DPYSL4: variants seen among roughly 807,000 people sequenced by gnomAD.
The protein encoded by DPYSL4 is dihydropyrimidinase-related protein 4.
DPYSL4 carries 43 observed loss-of-function variants against 63.4 expected under a neutral mutation model. That is an observed-to-expected ratio of 0.68 (90% confidence interval 0.53 to 0.88). The LOEUF (loss-of-function observed/expected upper bound fraction) is 0.88, where lower values mean the gene tolerates loss of function less well. Ranked by LOEUF, DPYSL4 falls within the 40% of genes least tolerant of loss-of-function variation. The probability of loss-of-function intolerance (pLI) is 0.00; values close to 1 mark genes in which losing one functional copy is unlikely to be tolerated. For synonymous variants in DPYSL4, 353 were observed against 331.7 expected (o/e 1.06, Z -0.70); for missense variants, 733 against 819.5 (o/e 0.89, Z 1.29).
At chr10:132,194,001 G>A (rs1197968698) in intron 3 of DPYSL4, among the ~76,000 whole-genome samples, 3 of 152,250 alleles carry the variant, frequency 2.0e-5, no homozygotes, top group East Asian at 1.9e-4. Context: ...CTGCACAGTC[G>A]AGACCACCTG....
intron 6 of DPYSL4, 89 bp from the exon 7 acceptor site, chr10:132,198,326 G>GGTTCC: frequency 7.4e-7 from 1 of 1,343,228 alleles, no homozygotes; most frequent in Non-Finnish European, 1.0e-6. Flanking sequence ...GGACCACTTG[G>GGTTCC]GGAATGGGGC....
intron 6 of DPYSL4, among the ~76,000 whole-genome samples, chr10:132,197,521 G>A (rs528416788): frequency 4.6e-5 from 7 of 152,298 alleles, no homozygotes; most frequent in Non-Finnish European, 5.9e-5. Flanking sequence ...GCCTGAGCCC[G>A]CGTGCAGTGG....
At chr10:132,204,470 G>T (rs116661232) in intron 13 of DPYSL4, among the ~76,000 whole-genome samples, 3,314 of 152,264 alleles carry the variant, frequency 0.022, 104 homozygotes, top group South Asian at 0.1. Context: ...TGGGGACTCA[G>T]GCCTGGGGGC....
At chr10:132,194,669 C>T (rs1385790598) in intron 3 of DPYSL4, among the ~76,000 whole-genome samples, 176 bp from the exon 4 acceptor site, 2 of 152,296 alleles carry the variant, frequency 1.3e-5, no homozygotes, top group East Asian at 1.9e-4. Context: ...TTGAACAAAG[C>T]AATAGAACGG....
chr10:132,203,089 C>G (rs558801591), intron 12 of DPYSL4, among the ~76,000 whole-genome samples: 2 of 152,342 alleles, frequency 1.3e-5, no homozygotes, highest in South Asian at 4.1e-4. Flanking sequence ...TGGGTCCCAC[C>G]CAAGTCATCC....
In DPYSL4 at chr10:132,200,947, TGAG is replaced by T; in HGVS notation, c.1078_1080del (p.Glu360del). The T allele has an allele frequency of 6.2e-7, 1 of 1,613,264 alleles. No individual in the cohort carries two copies. Among genetic ancestry groups the T allele is most frequent in the Non-Finnish European group, 8.5e-7 (1 of 1,179,960 alleles). ...TGATCCCCGAGGGCACCAACGGCATTGAGGAGCGCATGTCGATGGTCTGGGAGA... is the reference window on the plus strand; with the variant it reads ...TGATCCCCGAGGGCACCAACGGCATTGAGCGCATGTCGATGGTCTGGGAGA... On this transcript the variant is annotated inframe_deletion, in exon 10 of 14. Transcript: ENST00000338492.
Position 132,204,276 on chromosome 10 carries a change from C to A in DPYSL4, c.1627+349C>A, listed in dbSNP as rs563609990. Among the ~76,000 whole-genome samples, 5 of 152,266 alleles carry A rather than the reference C, an allele frequency of 3.3e-5. No individual in the cohort carries two copies. The South Asian group carries it at 1.0e-3, about 32-fold the overall frequency. On this transcript the variant is annotated intron_variant, in intron 13 of 13. Coordinates refer to ENST00000338492, the MANE Select transcript of DPYSL4 (RefSeq NM_006426.3). ...TCTCAGGATCATGTGGAATCCAGGTCCCCACCCAGCAGGCCCCAGAACCAA... is the reference window on the plus strand; with the variant it reads ...TCTCAGGATCATGTGGAATCCAGGTACCCACCCAGCAGGCCCCAGAACCAA...
At chr10:132,204,211 T>A (rs1008018723) in intron 13 of DPYSL4, among the ~76,000 whole-genome samples, 1 of 152,136 alleles carries the variant, frequency 6.6e-6, no homozygotes. Context: ...GGAGTGAGCA[T>A]GGATCCAGCC....
chr10:132,197,685 C>A (rs971256911), intron 6 of DPYSL4, among the ~76,000 whole-genome samples: 2 of 152,246 alleles, frequency 1.3e-5, no homozygotes, highest in African/African-American at 4.8e-5. Flanking sequence ...CAGGACACAC[C>A]TCCCTGACAC....
chr10:132,202,963 G>A, intron 12 of DPYSL4, 138 bp downstream of exon 12: 5 of 1,064,098 alleles, frequency 4.7e-6, no homozygotes, highest in Non-Finnish European at 6.6e-6. Context: ...CTTGCCCAGG[G>A]CCCTGGTGGG....
At chr10:132,196,811 G>C (rs760503115) in intron 4 of DPYSL4, 50 bp from the exon 5 acceptor site, 2 of 1,604,148 alleles carry the variant, frequency 1.2e-6, no homozygotes, top group Admixed American at 3.3e-5. Context: ...AGGCTCCGTA[G>C]GTTGTCTGAC....
rs764777545 is a variant in DPYSL4, at chr10:132,202,814, G to T, written c.1450G>T (p.Ala484Ser). The stretch of plus-strand genomic sequence containing the variant: ...GGACTTTGTCTACAAGAGGATCAAA[G>T]CTCGCAACAGGGTAGGGCGGCACCC... ...FPDFVYKRIK[A>S]RNRLAEIHGV... Residue 484 changes from alanine to serine, a missense_variant, in exon 12 of 14, where the codon GCT becomes TCT. Transcript: ENST00000338492. 3 of 1,599,300 alleles carry T rather than the reference G, an allele frequency of 1.9e-6. No individual in the cohort carries two copies. Among genetic ancestry groups the T allele is most frequent in the Non-Finnish European group, 2.6e-6 (3 of 1,172,390 alleles).
intron 7 of DPYSL4, 96 bp from the exon 8 acceptor site, chr10:132,198,755 G>A (rs2061975812): frequency 1.9e-6 from 3 of 1,541,120 alleles, no homozygotes; most frequent in Admixed American, 1.8e-5. Context: ...CCTGAGCCTG[G>A]GATCCCATGG....
At chr10:132,200,124 C>T (rs1565044573) in intron 8 of DPYSL4, among the ~76,000 whole-genome samples, 2 of 152,284 alleles carry the variant, frequency 1.3e-5, no homozygotes, top group South Asian at 2.1e-4. Flanking sequence ...GAGGACTTGG[C>T]GTCCGCAGGC....
Position 132,202,014 on chromosome 10 carries a change from T to G in DPYSL4, c.1179T>G (p.Asn393Lys). The G allele has an allele frequency of 6.2e-7, 1 of 1,613,342 alleles. No homozygotes were observed. The highest frequency in any genetic ancestry group is 8.5e-7 in the Non-Finnish European group (1 of 1,179,990). ...VTSTNAAKIF[N>K]FYPRKGRVAV... is the part of the protein sequence containing the mutation. ...GTACAAATGCTGCCAAAATCTTCAA[T>G]TTTTACCCAAGGAAGGGGCGAGTGG... Residue 393 changes from asparagine (N) to lysine (K), a missense_variant, in exon 11 of 14, where the codon AAT becomes AAG. By Grantham distance (94) the Asn-to-Lys change is moderately conservative (BLOSUM62 0). Coordinates refer to ENST00000338492, the MANE Select transcript of DPYSL4 (RefSeq NM_006426.3).
chr10:132,204,992 C>A lies in DPYSL4; in HGVS notation c.*62C>A. 1.5e-6 allele frequency: 2 copies of A among 1,350,620 alleles called. No individual in the cohort carries two copies. Among genetic ancestry groups the A allele is most frequent in the Non-Finnish European group, 2.0e-6 (2 of 980,028 alleles). The allele number at this position is 1,350,620 out of a possible 1,614,324, so 83.7% of individuals were successfully genotyped here. A position where few individuals can be genotyped will look rare whatever the true frequency, so the allele number is the denominator to read the frequency against. The stretch of plus-strand genomic sequence containing the variant: ...ACCCGAGGCCGCGGGGGCCCCAGGG[C>A]ACTCGCCCCCCTCCTTAGCATTTTC... On this transcript the variant is annotated 3_prime_UTR_variant, in exon 14 of 14. Transcript: ENST00000338492.
At chr10:132,187,139 C>T (rs759505531) in intron 1 of DPYSL4, 37 bp downstream of exon 1, 3 of 1,497,420 alleles carry the variant, frequency 2.0e-6, no homozygotes, top group Admixed American at 2.0e-5. Flanking sequence ...GCCCCCTGCC[C>T]GCCGCCCGGA....
intron 1 of DPYSL4, 72 bp downstream of exon 1, chr10:132,187,174 C>T: frequency 8.3e-7 from 1 of 1,201,826 alleles, no homozygotes; most frequent in South Asian, 1.4e-5. Flanking sequence ...CCGGGCGGAC[C>T]CTCCTGGTCT....
chr10:132,187,907 CG>C (rs1018245802), intron 1 of DPYSL4, among the ~76,000 whole-genome samples: 1 of 152,094 alleles, frequency 6.6e-6, no homozygotes, highest in African/African-American at 2.4e-5. Flanking sequence ...AGGACCTGGG[CG>C]GGGGAGTCCA....
Sources: allele counts gnomAD v4.1 joint callset (sites outside exome capture counted in the v4.1 genomes callset), GRCh38; gene constraint gnomAD v4.1.1; transcripts MANE v1.5; gene names NCBI Gene and HGNC (gene_info 2026-07-23, HGNC 2026-07-21).